Variants in MYOF observed in about 807,000 individuals in gnomAD.
The protein encoded by MYOF is fer-1-like 3, myoferlin.
Under a neutral mutation model 284.2 loss-of-function variants are expected in MYOF, and 244 were observed. The observed-to-expected ratio is 0.86, with a 90% CI of 0.77 to 0.95. The LOEUF (loss-of-function observed/expected upper bound fraction) is 0.95. MYOF is among the 40% of genes least tolerant of loss of function. The pLI is 0.00. For missense variants in MYOF, 2,496 were observed against 2,560.6 expected, an observed-to-expected ratio of 0.97 and a Z score of 0.54; for synonymous variants, 904 against 919.7, an observed-to-expected ratio of 0.98 and a Z score of 0.31.
Position 93,323,189 on chromosome 10 carries a change from T to C in MYOF, c.5361-16A>G. The C allele has an allele frequency of 6.2e-7, 1 of 1,613,906 alleles. No homozygotes were observed. Among genetic ancestry groups the C allele is most frequent in the Non-Finnish European group, 8.5e-7 (1 of 1,179,786 alleles). ...CAGGTAGTATCTGCAAGAAGCACAG[T>C]TGGAAGGTACTTTTTTTTCTGGTCC... On this transcript the variant is annotated splice_polypyrimidine_tract_variant and intron_variant, in intron 47 of 53. Transcript: ENST00000359263.
At chr10:93,345,559 T>C (rs1212882376) in intron 37 of MYOF, among the ~76,000 whole-genome samples, 2 of 152,136 alleles carry the variant, frequency 1.3e-5, no homozygotes, top group Non-Finnish European at 2.9e-5. Context: ...GTCTCTACAC[T>C]TCCAAGATAA....
At chr10:93,394,880 T>C (rs1209258264) in intron 16 of MYOF, among the ~76,000 whole-genome samples, 1 of 150,796 alleles carries the variant, frequency 6.6e-6, no homozygotes, top group Non-Finnish European at 1.5e-5. Context: ...TATATATACA[T>C]ACATATAGTG....
At chr10:93,394,892 GTA>G (rs748590151) in intron 16 of MYOF, among the ~76,000 whole-genome samples, 3 of 149,482 alleles carry the variant, frequency 2.0e-5, no homozygotes, top group African/African-American at 4.9e-5. Flanking sequence ...CATATAGTGT[GTA>G]TATATATATG....
At chr10:93,333,370 T>A in intron 42 of MYOF, 58 bp from the exon 43 acceptor site, 1 of 1,464,508 alleles carries the variant, frequency 6.8e-7, no homozygotes, top group Non-Finnish European at 9.6e-7. Context: ...TGAAGTCAAG[T>A]TCAGGGACAG....
chr10:93,394,780 C>CTT (rs141999247), intron 16 of MYOF, among the ~76,000 whole-genome samples: 2 of 143,914 alleles, frequency 1.4e-5, no homozygotes, highest in African/African-American at 5.1e-5. Context: ...CTTCTGATTG[C>CTT]TTTTTTTTTT....
At chr10:93,449,341 T>G (rs934200360) in intron 3 of MYOF, among the ~76,000 whole-genome samples, 2 of 152,244 alleles carry the variant, frequency 1.3e-5, no homozygotes, top group African/African-American at 4.8e-5. Context: ...AAATTGCATG[T>G]GCACCCTGCA....
intron 7 of MYOF, among the ~76,000 whole-genome samples, chr10:93,406,566 C>CCT (rs1554855710): frequency 1.1e-5 from 1 of 92,772 alleles, no homozygotes; most frequent in African/African-American, 2.6e-5. Flanking sequence ...TGCCTCCTCC[C>CCT]CACCCATCCA....
In MYOF at chr10:93,472,942, C is replaced by T. The variant is rs74489063; in HGVS notation, c.88+9165G>A. Among the ~76,000 whole-genome samples the T allele has an allele frequency of 4.8e-3, 738 of 152,258 alleles. 4 individuals are homozygous for T. Among genetic ancestry groups the T allele is most frequent in the African/African-American group, 0.017 (708 of 41,532 alleles). The stretch of plus-strand genomic sequence containing the variant: ...CATGCAACATTCTGTGTCAGCACTA[C>T]GACAAGTTCTCTATATATTTTATCA... On this transcript the variant is annotated intron_variant, in intron 1 of 53. Transcript: ENST00000359263.
intron 12 of MYOF, among the ~76,000 whole-genome samples, 162 bp downstream of exon 12, chr10:93,401,256 G>A (rs1048758421): frequency 2.0e-5 from 3 of 152,148 alleles, no homozygotes; most frequent in Non-Finnish European, 2.9e-5. Context: ...GCCTGCTCAG[G>A]TAGCTTTCAA....
chr10:93,400,941 C>T (rs1847264848), intron 12 of MYOF, among the ~76,000 whole-genome samples: 2 of 150,466 alleles, frequency 1.3e-5, no homozygotes, highest in African/African-American at 2.4e-5. Flanking sequence ...CAACCTCCGC[C>T]TCCTGGGTTC....
At chr10:93,406,291 TATATA>T (rs1847577690) in intron 7 of MYOF, among the ~76,000 whole-genome samples, 4 of 69,268 alleles carry the variant, frequency 5.8e-5, no homozygotes, top group African/African-American at 1.4e-4. Flanking sequence ...ACCTCTTTTA[TATATA>T]TATATATATA....
chr10:93,349,209 C>T (rs1214555435), intron 36 of MYOF, among the ~76,000 whole-genome samples: 2 of 152,096 alleles, frequency 1.3e-5, no homozygotes, highest in Non-Finnish European at 2.9e-5. Context: ...ACTGGGTGGC[C>T]TCTTCTCACC....
chr10:93,401,333 C>T (rs960596713), intron 12 of MYOF, 85 bp downstream of exon 12: 23 of 1,541,004 alleles, frequency 1.5e-5, no homozygotes, highest in East Asian at 6.8e-5. Context: ...GATAGGGACA[C>T]GAATCACTAT....
chr10:93,452,717 A>T (rs187993982), intron 2 of MYOF, among the ~76,000 whole-genome samples: 15 of 152,232 alleles, frequency 9.9e-5, no homozygotes, highest in African/African-American at 3.4e-4. Context: ...TAACAAAAAT[A>T]AAAAAATTAA....
intron 13 of MYOF, among the ~76,000 whole-genome samples, chr10:93,398,599 G>A (rs2134075170): frequency 6.6e-6 from 1 of 152,214 alleles, no homozygotes; most frequent in African/African-American, 2.4e-5. Context: ...TAAACGATTT[G>A]CCTGCCTATG....
rs763354038 is a variant in MYOF, at chr10:93,482,150, C to A, written c.45G>T (p.Thr15=). 1.2e-6 allele frequency: 2 copies of A among 1,614,152 alleles called. No individual in the cohort carries two copies. The highest frequency in any genetic ancestry group is 2.2e-5 in the South Asian group (2 of 91,076). Residue 15 remains threonine, a synonymous_variant, in exon 1 of 54, where the codon ACG becomes ACT. Coordinates refer to ENST00000359263, the MANE Select transcript of MYOF (RefSeq NM_013451.4). ...CAATAGGATCCGGCTTGCCAAATTT[C>A]GTTTTAGGGATATTGCTGGCAGATT... ...IVESASNIPK[T]KFGKPDPIVS... is the part of the protein sequence containing the mutation.
At chr10:93,396,742 T>C (rs926553073) in intron 15 of MYOF, among the ~76,000 whole-genome samples, 2 of 152,236 alleles carry the variant, frequency 1.3e-5, no homozygotes, top group South Asian at 2.1e-4. Flanking sequence ...GCCTGCTGAA[T>C]GCTACATCCA....
At chr10:93,478,825 C>CAAAA (rs796689657) in intron 1 of MYOF, among the ~76,000 whole-genome samples, 43 of 103,582 alleles carry the variant, frequency 4.2e-4, no homozygotes, top group East Asian at 1.6e-3. Context: ...GAAACAGTCT[C>CAAAA]AAAAAAAAAA....
intron 32 of MYOF, among the ~76,000 whole-genome samples, chr10:93,352,839 A>C (rs150652557): frequency 6.6e-6 from 1 of 152,318 alleles, no homozygotes; most frequent in East Asian, 1.9e-4. Flanking sequence ...CCCCTGGTGG[A>C]AAATATTTGA....
Sources: gnomAD v4.1 joint callset for allele counts (sites outside exome capture counted in the v4.1 genomes callset) on GRCh38, gnomAD v4.1.1 for gene constraint, MANE v1.5 for transcripts, NCBI Gene and HGNC (gene_info 2026-07-23, HGNC 2026-07-21) for gene names.